The following ENO4 variants were observed in gnomAD, a reference collection of about 807,000 sequenced individuals.
ENO4 encodes the protein 2-phospho-D-glycerate hydro-lyase.
Under a neutral mutation model 63.2 loss-of-function variants are expected in ENO4, and 53 were observed. The ratio of observed to expected loss-of-function variants is 0.84; its 90% confidence interval spans 0.67 to 1.05. The LOEUF is 1.05. Ranked by LOEUF, ENO4 falls within the 50% of genes least tolerant of loss-of-function variation. The probability of loss-of-function intolerance (pLI) is 0.00; values close to 1 mark genes in which losing one functional copy is unlikely to be tolerated. For missense variants in ENO4, 719 were observed against 772.0 expected, an observed-to-expected ratio of 0.93 and a Z score of 0.81; for synonymous variants, 266 against 283.8, an observed-to-expected ratio of 0.94 and a Z score of 0.63.
At chr10:116,872,089 C>G (rs577789538) in intron 9 of ENO4, among the ~76,000 whole-genome samples, 1 of 152,136 alleles carries the variant, frequency 6.6e-6, no homozygotes, top group Non-Finnish European at 1.5e-5. Flanking sequence ...CTCAGCTACT[C>G]AGGAGGCTGA....
At chr10:116,886,091 C>A, downstream of ENO4, 1 of 513,132 alleles carries the variant, frequency 1.9e-6, no homozygotes, top group Non-Finnish European at 3.4e-6. Flanking sequence ...AGAAGTCATA[C>A]TTAATACAGT....
At chr10:116,854,712 G>T (rs1846204159) in intron 1 of ENO4, among the ~76,000 whole-genome samples, 1 of 151,956 alleles carries the variant, frequency 6.6e-6, no homozygotes, top group Non-Finnish European at 1.5e-5. Flanking sequence ...GAAGGCTGAG[G>T]CGGAAGGATT....
intron 7 of ENO4, among the ~76,000 whole-genome samples, chr10:116,867,281 A>G (rs1353311229): frequency 6.6e-6 from 1 of 152,156 alleles, no homozygotes; most frequent in Non-Finnish European, 1.5e-5. Flanking sequence ...AGGAAAGATT[A>G]TATTTGTTTC....
At chr10:116,898,684 A>T (rs1847608919) in intron 10 of ENO4, among the ~76,000 whole-genome samples, 1 of 152,194 alleles carries the variant, frequency 6.6e-6, no homozygotes, top group Admixed American at 6.5e-5. Flanking sequence ...GAAACAGAAT[A>T]AATTAGGCTT....
At chr10:116,903,466 A>G (rs894848836) in intron 10 of ENO4, among the ~76,000 whole-genome samples, 2 of 151,954 alleles carry the variant, frequency 1.3e-5, no homozygotes, top group Non-Finnish European at 2.9e-5. Context: ...CAGAGGTTGC[A>G]GTGAGCCGAG....
chr10:116,875,561 TCACACA>T (rs56000218), intron 10 of ENO4, among the ~76,000 whole-genome samples: 2 of 147,904 alleles, frequency 1.4e-5, no homozygotes, highest in African/African-American at 5.0e-5. Flanking sequence ...TCCAGGCTGG[TCACACA>T]CACACACACA....
intron 5 of ENO4, 37 bp from the exon 6 acceptor site, chr10:116,861,022 C>T (rs1284442790): frequency 7.8e-6 from 12 of 1,542,408 alleles, no homozygotes; most frequent in Non-Finnish European, 1.1e-5. Flanking sequence ...TGGATGAACC[C>T]TGTTTCTCAT....
At chr10:116,868,732 C>A (rs1846610434) in intron 8 of ENO4, 26 bp downstream of exon 8, 16 of 1,536,414 alleles carry the variant, frequency 1.0e-5, no homozygotes, top group Non-Finnish European at 9.7e-6. Context: ...GTTTACCATC[C>A]TTCCATATGA....
rs1022346502 is a variant in ENO4 at position 116,899,529 on chromosome 10, G to A, written c.1195-11970G>A. Among the ~76,000 whole-genome samples the A allele has an allele frequency of 8.1e-5, 7 of 86,946 alleles. No individual in the cohort carries two copies. The East Asian group carries it at 1.9e-3, about 23-fold the overall frequency. The allele number at this position is 86,946 out of a possible 152,430, so 57.0% of individuals were successfully genotyped here. On this transcript the variant is annotated intron_variant, in intron 10 of 10. Transcript: ENST00000369207. ...CTGGTGTGTGTGTGTGTGTGTGTGT[G>A]TGTGTGTGTGTGTGTGTGAGAGAGT...
At chr10:116,900,617 A>G in intron 10 of ENO4, 1 of 1,526,452 alleles carries the variant, frequency 6.6e-7, no homozygotes, top group Non-Finnish European at 8.8e-7. Context: ...GTCTCAGCCA[A>G]ATTGCTTTTG....
chr10:116,894,145 T>G (rs1847433979), intron 10 of ENO4, among the ~76,000 whole-genome samples: 1 of 152,214 alleles, frequency 6.6e-6, no homozygotes, highest in South Asian at 2.1e-4. Context: ...ATCTAAAATT[T>G]ATCTTTTGTC....
intron 11 of ENO4, among the ~76,000 whole-genome samples, chr10:116,879,069 A>G (rs1412582035): frequency 1.3e-5 from 2 of 152,154 alleles, no homozygotes; most frequent in Non-Finnish European, 2.9e-5. Context: ...TTAATGAAAC[A>G]CAGTATTCAT....
intron 10 of ENO4, among the ~76,000 whole-genome samples, chr10:116,893,189 C>T (rs1847392962): frequency 6.6e-6 from 1 of 152,066 alleles, no homozygotes; most frequent in South Asian, 2.1e-4. Flanking sequence ...TCCTGACAGG[C>T]GGATCTTTCG....
chr10:116,865,413 C>G (rs1012055928), intron 7 of ENO4, among the ~76,000 whole-genome samples: 2 of 152,076 alleles, frequency 1.3e-5, no homozygotes, highest in Non-Finnish European at 2.9e-5. Flanking sequence ...TCTCGAACTC[C>G]TGACCTTGTG....
intron 10 of ENO4, among the ~76,000 whole-genome samples, chr10:116,906,987 A>C (rs1362136587): frequency 6.6e-6 from 1 of 152,238 alleles, no homozygotes; most frequent in Non-Finnish European, 1.5e-5. Flanking sequence ...AGAACAGTAC[A>C]AGAACACTTC....
intron 4 of ENO4, among the ~76,000 whole-genome samples, chr10:116,859,367 T>C (rs965540761): frequency 3.3e-5 from 5 of 152,174 alleles, no homozygotes; most frequent in Non-Finnish European, 2.9e-5. Flanking sequence ...TAAATACTTA[T>C]TATTAAATAA....
rs564716619 is a variant in ENO4, at chr10:116,909,228, T to C, written c.1195-2271T>C. Among the ~76,000 whole-genome samples, 162 of 152,274 alleles carry C rather than the reference T, an allele frequency of 1.1e-3. 1 individual carries two copies. The highest frequency in any genetic ancestry group is 3.6e-3 in the African/African-American group (151 of 41,562). On this transcript the variant is annotated intron_variant, in intron 10 of 10. Transcript: ENST00000369207. Reference sequence around the variant, plus strand: ...TCCCAAGTCCCAAACCAATACTCTTTTTCTACTTCAAACCACTGTGGTCAT... The same window carrying C: ...TCCCAAGTCCCAAACCAATACTCTTCTTCTACTTCAAACCACTGTGGTCAT...
At chr10:116,902,561 T>C (rs1847787566) in intron 10 of ENO4, among the ~76,000 whole-genome samples, 1 of 152,126 alleles carries the variant, frequency 6.6e-6, no homozygotes, top group Non-Finnish European at 1.5e-5. Context: ...TAGGACAGGA[T>C]TTAAAAACCA....
intron 10 of ENO4, among the ~76,000 whole-genome samples, chr10:116,899,962 T>C (rs905263532): frequency 1.3e-5 from 2 of 152,212 alleles, no homozygotes; most frequent in African/African-American, 4.8e-5. Context: ...TGTAACTACA[T>C]TAAGTTAAAA....
Sources: gnomAD v4.1 joint callset for allele counts (sites outside exome capture counted in the v4.1 genomes callset) on GRCh38, gnomAD v4.1.1 for gene constraint, MANE v1.5 for transcripts, NCBI Gene and HGNC (gene_info 2026-07-23, HGNC 2026-07-21) for gene names.